ACAT1: variants seen among roughly 807,000 people sequenced by gnomAD.
The protein encoded by ACAT1 is acetyl-CoA acetyltransferase 1.
A neutral mutation model predicts 47.3 loss-of-function variants in ACAT1; 28 were observed. The observed-to-expected ratio is 0.59, with a 90% CI of 0.44 to 0.81. The LOEUF (loss-of-function observed/expected upper bound fraction) is 0.81. Among genes scored for constraint, ACAT1 ranks in the 30% least tolerant of loss-of-function variants. ACAT1 has a pLI of 0.00. For synonymous variants in ACAT1, 181 were observed against 173.6 expected, an observed-to-expected ratio of 1.04 and a Z score of -0.34; for missense variants, 469 against 524.3, an observed-to-expected ratio of 0.89 and a Z score of 1.03.
At chr11:108,142,796 C>T (rs2077618102) in intron 9 of ACAT1, 1 of 477,944 alleles carries the variant, frequency 2.1e-6, no homozygotes, top group South Asian at 2.1e-5. Flanking sequence ...GAGATTGTAC[C>T]ACTGCACTCC....
chr11:108,139,159 C>A, intron 6 of ACAT1, 118 bp downstream of exon 6: 1 of 1,360,650 alleles, frequency 7.3e-7, no homozygotes, highest in Non-Finnish European at 1.0e-6. Flanking sequence ...TTGATTTTAG[C>A]CGTGTACTTT....
intron 2 of ACAT1, among the ~76,000 whole-genome samples, chr11:108,133,053 C>T (rs530830830): frequency 6.6e-6 from 1 of 151,852 alleles, no homozygotes; most frequent in East Asian, 1.9e-4. Flanking sequence ...GGTGTGGTTG[C>T]AGATGCCTGT....
upstream of ACAT1, among the ~76,000 whole-genome samples, chr11:108,120,861 C>A (rs1192116518): frequency 6.6e-6 from 1 of 151,610 alleles, no homozygotes; most frequent in Non-Finnish European, 1.5e-5. Context: ...GAGTCAGCAA[C>A]CAGCCTAGGC....
At chr11:108,125,818 T>C (rs762758603) in intron 1 of ACAT1, among the ~76,000 whole-genome samples, 16 of 150,738 alleles carry the variant, frequency 1.1e-4, no homozygotes, top group Non-Finnish European at 1.9e-4. Flanking sequence ...CCCAGCTACC[T>C]GGAAGGCTGA....
In ACAT1 at chr11:108,142,471, T is replaced by G; in HGVS notation, c.861T>G (p.Asn287Lys). The part of the protein sequence containing the change: ...TVTAANASTL[N>K]DGAAALVLMT... Reference sequence around the variant, plus strand: ...CAGCTGCCAATGCCAGTACACTGAATGATGGAGCAGCTGCTCTGGTTCTCA... The same window carrying G: ...CAGCTGCCAATGCCAGTACACTGAAGGATGGAGCAGCTGCTCTGGTTCTCA... The change falls in exon 9 of 12, where the codon AAT (asparagine) becomes AAG (lysine). Residue 287 changes from asparagine to lysine, a missense_variant. Physicochemically the swap from Asn to Lys is moderately conservative, Grantham distance 94 (BLOSUM62 0). Transcript: ENST00000265838. 2 of 1,614,140 alleles carry G rather than the reference T, an allele frequency of 1.2e-6. No homozygotes were observed. The highest frequency in any genetic ancestry group is 1.7e-6 in the Non-Finnish European group (2 of 1,179,998).
intron 1 of ACAT1, among the ~76,000 whole-genome samples, chr11:108,122,671 C>T (rs989675218): frequency 1.3e-5 from 2 of 151,974 alleles, no homozygotes; most frequent in African/African-American, 4.8e-5. Context: ...AGTGAGGGTG[C>T]GAAGCCAAGG....
chr11:108,133,772 C>T (rs771819781), intron 2 of ACAT1, 48 bp from the exon 3 acceptor site: 13 of 1,420,678 alleles, frequency 9.2e-6, no homozygotes, highest in Middle Eastern at 1.8e-4. Context: ...TAATGAAATA[C>T]GATTTGGGTA....
At chr11:108,138,847 G>C (rs752104065) in intron 5 of ACAT1, 51 bp from the exon 6 acceptor site, 1 of 1,612,516 alleles carries the variant, frequency 6.2e-7, no homozygotes, top group Non-Finnish European at 8.5e-7. Context: ...GGTGTCATGG[G>C]TTTGCAAAAT....
intron 1 of ACAT1, among the ~76,000 whole-genome samples, chr11:108,130,534 C>A (rs900388060): frequency 2.0e-5 from 3 of 151,712 alleles, no homozygotes; most frequent in African/African-American, 7.3e-5. Flanking sequence ...GCTGGGCTTA[C>A]ATGCATGGAC....
At chr11:108,119,992 G>C (rs920603493), upstream of ACAT1, among the ~76,000 whole-genome samples, 2 of 152,178 alleles carry the variant, frequency 1.3e-5, no homozygotes, top group Admixed American at 6.5e-5. Context: ...TAGTGGGGGC[G>C]GATTGCGTGA....
rs794727893 is a variant in ACAT1 at position 108,141,639 on chromosome 11, A to T, written c.765A>T (p.Glu255Asp). ...ATGTAGTGGTGAAAGAAGATGAAGA[A>T]TATAAACGTGTTGATTTTAGCAAAG... ...QPDVVVKEDE[E>D]YKRVDFSKVP... The change falls in exon 8 of 12, where the codon GAA becomes GAT. Residue 255 changes from glutamate (E) to aspartate (D), a missense_variant. Glu to Asp is a conservative substitution (Grantham distance 45). Transcript: ENST00000265838. 2.6e-5 allele frequency: 42 copies of T among 1,613,436 alleles called. No individual in the cohort carries two copies. The highest frequency in any genetic ancestry group is 3.4e-5 in the Non-Finnish European group (40 of 1,179,842).
intron 1 of ACAT1, 49 bp downstream of exon 1, chr11:108,121,727 C>A (rs1042640356): frequency 2.0e-6 from 3 of 1,533,190 alleles, no homozygotes; most frequent in Non-Finnish European, 2.6e-6. Context: ...TGCGAGGAGT[C>A]CCCGCCTCGG....
intron 2 of ACAT1, among the ~76,000 whole-genome samples, chr11:108,132,785 C>T (rs541680601): frequency 8.1e-6 from 1 of 122,700 alleles, no homozygotes; most frequent in African/African-American, 3.1e-5. Context: ...ATCCGGGAGG[C>T]GGAGCTTGCA....
rs138315377 is a variant in ACAT1, at chr11:108,128,192, A to C, written c.73-3715A>C. On this transcript the variant is annotated intron_variant, in intron 1 of 11. Coordinates refer to ENST00000265838, the MANE Select transcript of ACAT1 (RefSeq NM_000019.4). ...TCAGAACCAACAGTGGTAAACTGGC[A>C]GAAATAAAATCCTGATCTGAGTGGG... Among the ~76,000 whole-genome samples the C allele has an allele frequency of 4.3e-4, 66 of 152,362 alleles. 3 individuals carry two copies. The East Asian group carries it at 0.012, about 28-fold the overall frequency.
At chr11:108,141,747 C>A in intron 8 of ACAT1, 47 bp downstream of exon 8, 1 of 1,286,930 alleles carries the variant, frequency 7.8e-7, no homozygotes, top group Non-Finnish European at 1.1e-6. Context: ...GCCAGTATAC[C>A]ATATCTAGTT....
intron 1 of ACAT1, among the ~76,000 whole-genome samples, chr11:108,126,791 C>CTTT (rs766192283): frequency 1.5e-4 from 17 of 114,558 alleles, no homozygotes; most frequent in Non-Finnish European, 2.4e-4. Context: ...AACAGGTTTT[C>CTTT]TTTTTTTTTT....
rs776810168 is a variant in ACAT1, at chr11:108,146,195, A to T, written c.1006-7A>T. The T allele has an allele frequency of 6.2e-7, 1 of 1,604,808 alleles. No homozygotes were observed. The highest frequency in any genetic ancestry group is 1.7e-5 in the Admixed American group (1 of 60,002). On this transcript the variant is annotated splice_region_variant and splice_polypyrimidine_tract_variant and intron_variant, in intron 10 of 11. Transcript: ENST00000265838. ...TTGAACATCATCTGTCTTTTAAAAA[A>T]TTTAAGGTTCTTAAAGATGTGGGAT... is the stretch of plus-strand genomic sequence containing the variant.
At chr11:108,134,173 A>G in intron 3 of ACAT1, 48 bp from the exon 4 acceptor site, 1 of 1,495,702 alleles carries the variant, frequency 6.7e-7, no homozygotes, top group Non-Finnish European at 9.3e-7. Flanking sequence ...ATCACTGATT[A>G]TTAAATTGAA....
At chr11:108,147,240 T>G in intron 11 of ACAT1, 30 bp from the exon 12 acceptor site, 1 of 1,612,494 alleles carries the variant, frequency 6.2e-7, no homozygotes, top group Non-Finnish European at 8.5e-7. Context: ...CTGTACTTCA[T>G]TAAAGAAGTA....
Sources: allele counts gnomAD v4.1 joint callset (sites outside exome capture counted in the v4.1 genomes callset), GRCh38; gene constraint gnomAD v4.1.1; transcripts MANE v1.5; gene names NCBI Gene and HGNC (gene_info 2026-07-23, HGNC 2026-07-21).